Variants in LYST observed in about 807,000 individuals in gnomAD.
LYST encodes the protein lysosomal-trafficking regulator.
LYST carries 192 observed loss-of-function variants against 413.6 expected under a neutral mutation model. The ratio of observed to expected loss-of-function variants is 0.46; its 90% CI spans 0.41 to 0.52. The LOEUF (loss-of-function observed/expected upper bound fraction) is 0.52, where lower values mean the gene tolerates loss of function less well. Ranked by LOEUF, LYST falls within the 20% of genes least tolerant of loss-of-function variation. The pLI, the probability that LYST is intolerant of heterozygous loss-of-function variation, is 0.00. For missense variants in LYST, 3,815 were observed against 4,499.9 expected, an observed-to-expected ratio of 0.85 and a Z score of 4.35; for synonymous variants, 1,525 against 1,567.3, an observed-to-expected ratio of 0.97 and a Z score of 0.64.
At position 235,693,484 on chromosome 1, in the gene LYST, C is replaced by T. The variant is rs1660837894; in HGVS notation, c.10567G>A (p.Val3523Met). 1 of 1,613,930 alleles carries T rather than the reference C, an allele frequency of 6.2e-7. No homozygotes were observed. The change falls in exon 47 of 53, where the codon GTG becomes ATG. Residue 3523 changes from valine to methionine, a missense_variant and splice_region_variant. Physicochemically the swap from Val to Met is conservative, Grantham distance 21. Around this residue, in one of 4 missense-constraint regions of LYST, gnomAD observed 866 missense variants for 1,156.0 expected, o/e 0.75. Transcript: ENST00000389793. ...LLMTYSKEQG[V>M]RSMNSTDIQW... ...ATGTCCGTACTGTTCATGCTTCTCA[C>T]ACCTCAAGGAGAAGGAGAAAGAAAA...
At chr1:235,776,414 C>T (rs1303949311) in intron 17 of LYST, among the ~76,000 whole-genome samples, 2 of 152,150 alleles carry the variant, frequency 1.3e-5, no homozygotes, top group Non-Finnish European at 2.9e-5. Context: ...AGGGATAAAA[C>T]GAAGATGGCA....
intron 46 of LYST, among the ~76,000 whole-genome samples, chr1:235,695,728 G>A (rs564125253): frequency 1.3e-5 from 2 of 150,478 alleles, no homozygotes; most frequent in South Asian, 4.2e-4. Context: ...CGCCTCATGG[G>A]TTCACGCCAT....
At chr1:235,837,163 C>G (rs1018069760) in intron 1 of LYST, among the ~76,000 whole-genome samples, 3 of 152,142 alleles carry the variant, frequency 2.0e-5, no homozygotes, top group Non-Finnish European at 4.4e-5. Context: ...GGTTTTACAA[C>G]TGAGCCCTGG....
Position 235,677,206 on chromosome 1 carries a change from T to A in LYST, c.10941-18A>T, listed in dbSNP as rs370447638. The A allele has an allele frequency of 1.4e-5, 21 of 1,523,658 alleles. No homozygotes were observed. Among genetic ancestry groups the A allele is most frequent in the Non-Finnish European group, 1.7e-5 (19 of 1,097,644 alleles). The allele number at this position is 1,523,658 out of a possible 1,614,324, so 94.4% of individuals were successfully genotyped here. ...AGCATAACCTGAAAGAAAAAAGACA[T>A]GAATTTGTATATGATCATTAAATAT... On this transcript the variant is annotated intron_variant, in intron 49 of 52. Transcript: ENST00000389793.
At chr1:235,771,377 A>C (rs1001924742) in intron 19 of LYST, among the ~76,000 whole-genome samples, 3 of 152,220 alleles carry the variant, frequency 2.0e-5, no homozygotes, top group African/African-American at 7.2e-5. Context: ...TTCAATTTAA[A>C]AATGTTTCTT....
intron 1 of LYST, among the ~76,000 whole-genome samples, chr1:235,846,526 C>T (rs964183958): frequency 6.6e-6 from 1 of 152,090 alleles, no homozygotes; most frequent in African/African-American, 2.4e-5. Context: ...AAGAAGAAAT[C>T]CCTGATTTAC....
At chr1:235,821,004 G>T (rs1572370298) in intron 3 of LYST, among the ~76,000 whole-genome samples, 1 of 152,108 alleles carries the variant, frequency 6.6e-6, no homozygotes, top group Non-Finnish European at 1.5e-5. Context: ...TTAAAAAATA[G>T]TATTTTTATT....
chr1:235,759,575 G>A lies in LYST; in HGVS notation c.6278C>T (p.Pro2093Leu). The change falls in exon 23 of 53, where the codon CCA (proline) becomes CTA (leucine). Residue 2093 changes from proline to leucine, a missense_variant. Transcript: ENST00000389793. Reference sequence around the variant, plus strand: ...CAGCATATGGGCGGCCATCTGTTGTGGAATAATATTAGAGGAATTCTCTCC... The same window carrying A: ...CAGCATATGGGCGGCCATCTGTTGTAGAATAATATTAGAGGAATTCTCTCC... ...YEGENSSNII[P>L]QQMAAHMLRS... The A allele has an allele frequency of 6.2e-7, 1 of 1,613,182 alleles. No individual in the cohort carries two copies.
intron 44 of LYST, 110 bp downstream of exon 44, chr1:235,708,981 C>T (rs1169054812): frequency 3.2e-6 from 3 of 936,760 alleles, no homozygotes; most frequent in African/African-American, 1.6e-5. Context: ...ATGCTACTAC[C>T]AATTCTCTTT....
intron 42 of LYST, chr1:235,712,950 A>C: frequency 1.0e-6 from 1 of 985,384 alleles, no homozygotes. Flanking sequence ...TGAAAACAGT[A>C]GCAGTTTACA....
chr1:235,737,672 T>C (rs183494622), intron 31 of LYST: 2 of 153,958 alleles, frequency 1.3e-5, no homozygotes, highest in East Asian at 3.9e-4. Flanking sequence ...TCTACAGAGG[T>C]GTTAATTTTA....
In LYST at chr1:235,712,199, T is replaced by C; in HGVS notation, c.9785-2A>G. On this transcript the variant is annotated splice_acceptor_variant, in intron 42 of 52. Transcript: ENST00000389793. LOFTEE classifies it high-confidence loss of function. ...TGTCTGGAATGTCAAAACTTTGATC[T>C]ATAAAAAAATACAAATAATACGATT... 1 of 1,568,030 alleles carries C rather than the reference T, an allele frequency of 6.4e-7. No homozygotes were observed.
intron 25 of LYST, among the ~76,000 whole-genome samples, chr1:235,755,091 A>G (rs1666883280): frequency 6.8e-6 from 1 of 146,942 alleles, no homozygotes; most frequent in African/African-American, 2.5e-5. Context: ...AAAAAAAAAA[A>G]AAAAAAAAAA....
Position 235,664,330 on chromosome 1 carries a change from A to C in LYST, c.11195+135T>G. The stretch of plus-strand genomic sequence containing the variant: ...TTTAGAAATAAAACAGGAATAACTA[A>C]AGAACCTACACCCCAAGGTGAGTTT... On this transcript the variant is annotated intron_variant, in intron 51 of 52. Transcript: ENST00000389793. This position sits in a 1 kb window ranked among gnomAD's most constrained non-coding sequence, Gnocchi z 4.5. 5 of 813,998 alleles carry C rather than the reference A, an allele frequency of 6.1e-6. No homozygotes were observed. The highest frequency in any genetic ancestry group is 9.7e-6 in the Non-Finnish European group (5 of 513,774). The allele number at this position is 813,998 out of a possible 1,614,324, so 50.4% of individuals were successfully genotyped here.
rs370022675 is a variant in LYST, at chr1:235,809,893, G to A, written c.925C>T (p.Arg309Ter). 6.2e-7 allele frequency: 1 copy of A among 1,613,792 alleles called. No individual in the cohort carries two copies. Among genetic ancestry groups the A allele is most frequent in the African/African-American group, 1.3e-5 (1 of 74,896 alleles). The change falls in exon 5 of 53, where the codon CGA becomes TGA. Residue 309 changes from arginine (R) to a stop codon, truncating the protein, a stop_gained. Coordinates refer to ENST00000389793, the MANE Select transcript of LYST (RefSeq NM_000081.4). LOFTEE classifies it high-confidence loss of function. This position sits in a 1 kb window ranked among gnomAD's most constrained non-coding sequence, Gnocchi z 4.0. Reference protein sequence around the residue: ...CCSLSDNLESRVVSAGWTEEP... With the variant: ...CCSLSDNLES Reference sequence around the variant, plus strand: ...TCGGTCCAACCTGCAGAAACTACTCGACTCTCCAAGTTGTCGCTCAGACTG... The same window carrying A: ...TCGGTCCAACCTGCAGAAACTACTCAACTCTCCAAGTTGTCGCTCAGACTG...
intron 1 of LYST, among the ~76,000 whole-genome samples, chr1:235,853,982 A>AT (rs1048489779): frequency 6.6e-6 from 1 of 152,174 alleles, no homozygotes; most frequent in African/African-American, 2.4e-5. Flanking sequence ...GAGAGACGGC[A>AT]TTTAAAGGAA....
chr1:235,805,253 G>A (rs1006950543), intron 6 of LYST, among the ~76,000 whole-genome samples: 3 of 152,150 alleles, frequency 2.0e-5, no homozygotes, highest in Admixed American at 6.5e-5. Context: ...GAGAAGTCTC[G>A]TCCCAGCCTC....
intron 14 of LYST, among the ~76,000 whole-genome samples, chr1:235,786,367 T>C (rs961395838): frequency 3.3e-5 from 5 of 152,146 alleles, no homozygotes; most frequent in African/African-American, 7.2e-5. Context: ...TCACACCAGT[T>C]AGAATGGCAA....
At chr1:235,770,026 A>G in intron 20 of LYST, 134 bp downstream of exon 20, 1 of 761,402 alleles carries the variant, frequency 1.3e-6, no homozygotes, top group Non-Finnish European at 2.2e-6. Context: ...TTTTTGAAAG[A>G]AGAGAATCTG....
Sources: allele counts gnomAD v4.1 joint callset (sites outside exome capture counted in the v4.1 genomes callset), GRCh38; gene constraint gnomAD v4.1.1; regional missense constraint gnomAD v4.1.1; non-coding constraint Gnocchi (gnomAD v3.1); transcripts MANE v1.5; gene names NCBI Gene and HGNC (gene_info 2026-07-23, HGNC 2026-07-21).